The following EXOC4 variants were observed in gnomAD, a reference collection of about 807,000 sequenced individuals.
EXOC4 encodes the protein SEC8-like 1.
EXOC4 carries 71 observed loss-of-function variants against 107.2 expected under a neutral mutation model. That is an observed-to-expected ratio of 0.66 (90% CI 0.55 to 0.81). EXOC4 has a LOEUF of 0.81. Ranked by LOEUF, EXOC4 falls within the 30% of genes least tolerant of loss-of-function variation. The probability of loss-of-function intolerance (pLI) is 0.00; values close to 1 mark genes in which losing one functional copy is unlikely to be tolerated. For missense variants in EXOC4, 1,108 were observed against 1,189.6 expected, an observed-to-expected ratio of 0.93 and a Z score of 1.01; for synonymous variants, 456 against 441.2, an observed-to-expected ratio of 1.03 and a Z score of -0.42.
intron 14 of EXOC4, among the ~76,000 whole-genome samples, chr7:133,972,755 T>C (rs1210571340): frequency 6.6e-6 from 1 of 152,316 alleles, no homozygotes; most frequent in Admixed American, 6.5e-5. Flanking sequence ...TTTTGAGTTA[T>C]AGAGCATGAG....
chr7:133,787,806 G>A (rs1020069970), intron 10 of EXOC4, among the ~76,000 whole-genome samples: 2 of 150,566 alleles, frequency 1.3e-5, no homozygotes, highest in African/African-American at 2.4e-5. Flanking sequence ...CCCCACCTCC[G>A]TATACTCTCA....
chr7:133,645,319 C>G (rs1802963941), intron 10 of EXOC4, among the ~76,000 whole-genome samples: 1 of 151,864 alleles, frequency 6.6e-6, no homozygotes. Flanking sequence ...GTCTCTATCT[C>G]CTGACCTCGT....
At chr7:133,640,534 T>C (rs1384812757) in intron 10 of EXOC4, among the ~76,000 whole-genome samples, 3 of 152,242 alleles carry the variant, frequency 2.0e-5, no homozygotes, top group Non-Finnish European at 2.9e-5. Flanking sequence ...TCTTTTGATT[T>C]CTTATCTTGT....
intron 9 of EXOC4, among the ~76,000 whole-genome samples, chr7:133,582,094 G>A (rs1585012022): frequency 6.6e-6 from 1 of 152,086 alleles, no homozygotes. Context: ...GATATGTGTG[G>A]GGACACAGAG....
At chr7:133,458,675 C>G (rs1422123671) in intron 7 of EXOC4, among the ~76,000 whole-genome samples, 3 of 152,120 alleles carry the variant, frequency 2.0e-5, no homozygotes, top group Admixed American at 6.6e-5. Context: ...TTTTGAAGAC[C>G]TGATGGTGTC....
At chr7:133,742,177 A>G (rs886642146) in intron 10 of EXOC4, among the ~76,000 whole-genome samples, 25 of 152,008 alleles carry the variant, frequency 1.6e-4, no homozygotes, top group Admixed American at 1.5e-3. Context: ...CTTTGAATCC[A>G]TTGGATTCCT....
At chr7:133,793,599 C>T (rs1005997417) in intron 10 of EXOC4, among the ~76,000 whole-genome samples, 18 of 152,190 alleles carry the variant, frequency 1.2e-4, no homozygotes, top group African/African-American at 4.3e-4. Flanking sequence ...AACCCTAACA[C>T]TTTGGGAGGC....
At chr7:133,458,755 A>G (rs1798520715) in intron 7 of EXOC4, among the ~76,000 whole-genome samples, 1 of 152,224 alleles carries the variant, frequency 6.6e-6, no homozygotes, top group Admixed American at 6.5e-5. Context: ...CAAGTGCATG[A>G]TTAACTTTGA....
At chr7:133,527,141 C>T (rs995159149) in intron 9 of EXOC4, among the ~76,000 whole-genome samples, 30 of 152,040 alleles carry the variant, frequency 2.0e-4, no homozygotes, top group African/African-American at 7.0e-4. Flanking sequence ...CAGTGGTTCA[C>T]GCCTGTAATC....
chr7:133,857,822 C>T (rs1274555749), intron 11 of EXOC4, among the ~76,000 whole-genome samples: 1 of 152,108 alleles, frequency 6.6e-6, no homozygotes, highest in Non-Finnish European at 1.5e-5. Flanking sequence ...TGTGGAGGCG[C>T]TCTGCAGCTC....
In EXOC4 at chr7:133,505,827, CTT is replaced by C. The variant is rs201747056; in HGVS notation, c.1417+25693_1417+25694del. Among the ~76,000 whole-genome samples, 923 of 152,166 alleles carry C rather than the reference CTT, an allele frequency of 6.1e-3. 11 individuals carry two copies. The highest frequency in any genetic ancestry group is 0.021 in the African/African-American group (877 of 41,536). On this transcript the variant is annotated intron_variant, in intron 9 of 17. Coordinates refer to ENST00000253861, the MANE Select transcript of EXOC4 (RefSeq NM_021807.4). ...TATAAATGATTTGTAGCTTGGATGA[CTT>C]TTTACATTTCTCTCTGGGAGTTTCA...
intron 6 of EXOC4, 47 bp from the exon 7 acceptor site, chr7:133,374,781 C>T (rs1796450473): frequency 6.7e-7 from 1 of 1,498,960 alleles, no homozygotes; most frequent in Non-Finnish European, 9.2e-7. Flanking sequence ...AGCCATTTAT[C>T]TGCGTGTACG....
the EXOC4 span, among the ~76,000 whole-genome samples, chr7:134,083,887 A>G: frequency 6.6e-6 from 1 of 152,194 alleles, no homozygotes; most frequent in Non-Finnish European, 1.5e-5. Context: ...CAAGGGGGCA[A>G]GGTCTGATGC....
chr7:134,059,939 C>T (rs1405719283), intron 17 of EXOC4, among the ~76,000 whole-genome samples: 2 of 151,916 alleles, frequency 1.3e-5, no homozygotes, highest in East Asian at 3.9e-4. Context: ...TCCAAAATAC[C>T]CTGTATTTCC....
chr7:134,043,954 A>C (rs1490099477), intron 17 of EXOC4, among the ~76,000 whole-genome samples: 1 of 152,206 alleles, frequency 6.6e-6, no homozygotes, highest in Admixed American at 6.5e-5. Flanking sequence ...GGCCTTTAAA[A>C]TAACCTTGGT....
chr7:133,848,135 CA>C (rs1798170448), intron 11 of EXOC4, among the ~76,000 whole-genome samples: 1 of 152,044 alleles, frequency 6.6e-6, no homozygotes, highest in Non-Finnish European at 1.5e-5. Flanking sequence ...CTGGGCGGTA[CA>C]CTGCACCTGG....
chr7:133,758,940 A>G (rs1371955899), intron 10 of EXOC4, among the ~76,000 whole-genome samples: 1 of 152,186 alleles, frequency 6.6e-6, no homozygotes, highest in Non-Finnish European at 1.5e-5. Context: ...TCAAGTGCTT[A>G]AGGAAAAAAA....
At chr7:133,915,034 T>C (rs1263716419) in intron 12 of EXOC4, among the ~76,000 whole-genome samples, 3 of 152,112 alleles carry the variant, frequency 2.0e-5, no homozygotes, top group African/African-American at 4.8e-5. Flanking sequence ...AAGAGGCAAA[T>C]AGAAAATCTA....
chr7:133,371,142 A>C (rs956004618), intron 6 of EXOC4, among the ~76,000 whole-genome samples: 1 of 152,208 alleles, frequency 6.6e-6, no homozygotes. Context: ...GCCAGGTTTC[A>C]TTTTTCACTG....
Sources: allele counts gnomAD v4.1 joint callset (sites outside exome capture counted in the v4.1 genomes callset), GRCh38; gene constraint gnomAD v4.1.1; transcripts MANE v1.5; gene names NCBI Gene and HGNC (gene_info 2026-07-23, HGNC 2026-07-21).